The following ST6GALNAC3 variants were observed in gnomAD, a reference collection of about 807,000 sequenced individuals.
The protein encoded by ST6GALNAC3 is alpha-N-acetylgalactosaminide alpha-2,6-sialyltransferase 3.
In ST6GALNAC3, 25 loss-of-function variants were observed where a neutral mutation model predicts 32.7. The observed-to-expected ratio is 0.76, with a 90% CI of 0.56 to 1.07. ST6GALNAC3 has a LOEUF of 1.07. ST6GALNAC3 is among the 50% of genes least tolerant of loss of function. The probability of loss-of-function intolerance (pLI) is 0.00; values close to 1 mark genes in which losing one functional copy is unlikely to be tolerated. For missense variants in ST6GALNAC3, 355 were observed against 382.4 expected, an observed-to-expected ratio of 0.93 and a Z score of 0.60; for synonymous variants, 129 against 133.1, an observed-to-expected ratio of 0.97 and a Z score of 0.21.
chr1:76,468,108 T>A (rs1176719347), intron 3 of ST6GALNAC3, among the ~76,000 whole-genome samples: 1 of 151,954 alleles, frequency 6.6e-6, no homozygotes, highest in Non-Finnish European at 1.5e-5. Context: ...CTTCTTTTCT[T>A]TCTTTCTTCC....
At chr1:76,573,696 T>C (rs777902566) in intron 3 of ST6GALNAC3, among the ~76,000 whole-genome samples, 1 of 151,880 alleles carries the variant, frequency 6.6e-6, no homozygotes, top group Non-Finnish European at 1.5e-5. Flanking sequence ...GTAATAACAT[T>C]TCATTTTAAA....
chr1:76,091,086 T>G (rs1647038545), intron 1 of ST6GALNAC3, among the ~76,000 whole-genome samples: 1 of 152,206 alleles, frequency 6.6e-6, no homozygotes, highest in African/African-American at 2.4e-5. Context: ...TGTGTCATAT[T>G]TAAGGCACAT....
intron 1 of ST6GALNAC3, among the ~76,000 whole-genome samples, chr1:76,131,050 G>T (rs1156615224): frequency 6.6e-6 from 1 of 152,232 alleles, no homozygotes; most frequent in African/African-American, 2.4e-5. Context: ...CCCAGATGGG[G>T]TATGTGTTGT....
In ST6GALNAC3 at chr1:76,632,263, T is replaced by C. The variant is rs1469767525; in HGVS notation, c.*3457T>C. 1 of 152,094 alleles carries C rather than the reference T, an allele frequency of 6.6e-6. No homozygotes were observed. The highest frequency in any genetic ancestry group is 2.4e-5 in the African/African-American group (1 of 41,424). 9.4% of individuals were successfully genotyped at this position (152,094 alleles called of 1,614,324 possible). On this transcript the variant is annotated 3_prime_UTR_variant, in exon 5 of 5. Transcript: ENST00000328299. ...TGATTGCTAAGAGTACGTAAAATCA[T>C]ATTCAAAAGCTGGCCAGAAGAATAA...
chr1:76,385,709 C>T (rs6421756), intron 2 of ST6GALNAC3, among the ~76,000 whole-genome samples: 149,964 of 152,220 alleles, frequency 0.99, 73,919 homozygotes, highest in Middle Eastern at 1. Flanking sequence ...ATCAGGAAGA[C>T]GGGCTTTCTG....
chr1:76,098,234 T>C (rs1647166953), intron 1 of ST6GALNAC3, among the ~76,000 whole-genome samples: 1 of 152,234 alleles, frequency 6.6e-6, no homozygotes, highest in East Asian at 1.9e-4. Context: ...ACTTAAATAG[T>C]TGTAGAATAG....
intron 3 of ST6GALNAC3, among the ~76,000 whole-genome samples, chr1:76,438,152 C>CTT (rs201668914): frequency 0.019 from 2,718 of 144,858 alleles, 70 homozygotes; most frequent in African/African-American, 0.054. Context: ...CATATTCTGA[C>CTT]TTTTTTTTTT....
At chr1:76,231,723 T>C (rs1031169415) in intron 1 of ST6GALNAC3, among the ~76,000 whole-genome samples, 1 of 152,248 alleles carries the variant, frequency 6.6e-6, no homozygotes, top group African/African-American at 2.4e-5. Context: ...GTCACTTTTT[T>C]TTCATCCATT....
At chr1:76,454,976 C>A (rs6593541) in intron 3 of ST6GALNAC3, among the ~76,000 whole-genome samples, 127,175 of 151,730 alleles carry the variant, frequency 0.84, 53,666 homozygotes, top group African/African-American at 0.9. Context: ...TTTTGTATTA[C>A]ATAGGAATTT....
At chr1:76,080,574 G>A (rs1355333796) in intron 1 of ST6GALNAC3, among the ~76,000 whole-genome samples, 10 of 150,824 alleles carry the variant, frequency 6.6e-5, no homozygotes, top group South Asian at 4.2e-4. Context: ...AAGTGTAGGC[G>A]TGGTTTAACT....
At chr1:76,097,005 G>A (rs1360416152) in intron 1 of ST6GALNAC3, among the ~76,000 whole-genome samples, 2 of 146,314 alleles carry the variant, frequency 1.4e-5, no homozygotes, top group African/African-American at 2.5e-5. Flanking sequence ...TGCAATCTCC[G>A]CCTCGCGGGT....
chr1:76,125,026 G>A (rs1649150664), intron 1 of ST6GALNAC3, among the ~76,000 whole-genome samples: 1 of 152,070 alleles, frequency 6.6e-6, no homozygotes, highest in South Asian at 2.1e-4. Flanking sequence ...GATCTATTGG[G>A]TTAAGAAAAT....
chr1:76,577,216 CT>C (rs2100531506), intron 3 of ST6GALNAC3: 1 of 1,012,244 alleles, frequency 9.9e-7, no homozygotes, highest in Non-Finnish European at 1.2e-6. Flanking sequence ...AAAACTTGTT[CT>C]TCCCATTTCT....
At chr1:76,282,113 T>C (rs1380896843) in intron 1 of ST6GALNAC3, among the ~76,000 whole-genome samples, 2 of 152,080 alleles carry the variant, frequency 1.3e-5, no homozygotes, top group Admixed American at 1.3e-4. Context: ...AAGAATTATA[T>C]GTGTTCCTTG....
intron 3 of ST6GALNAC3, among the ~76,000 whole-genome samples, chr1:76,539,959 G>T (rs1195696505): frequency 1.3e-5 from 2 of 152,134 alleles, no homozygotes; most frequent in Non-Finnish European, 2.9e-5. Context: ...GATTCCTCAA[G>T]GATCTAGAAC....
chr1:76,306,073 A>G (rs1044853340), intron 1 of ST6GALNAC3: 14 of 323,000 alleles, frequency 4.3e-5, no homozygotes, highest in Admixed American at 1.6e-4. Context: ...CCTAATTCAT[A>G]TGGAAAATTA....
chr1:76,255,050 G>T lies in ST6GALNAC3; in HGVS notation c.19-58755G>T, dbSNP rs549761592. On this transcript the variant is annotated intron_variant, in intron 1 of 4. Coordinates refer to ENST00000328299, the MANE Select transcript of ST6GALNAC3 (RefSeq NM_152996.4). ...TCTCTCTTTTTTTTTTTTTAAACTG[G>T]CCCATTTGTAAGTTCAGTTTGATTA... is the stretch of plus-strand genomic sequence containing the variant. 6.6e-4 allele frequency among the ~76,000 whole-genome samples: 98 copies of T among 149,598 alleles called. No homozygotes were observed. In the East Asian group the frequency reaches 0.016, roughly 24 times the overall value.
intron 3 of ST6GALNAC3, among the ~76,000 whole-genome samples, chr1:76,545,956 G>A (rs1046885379): frequency 6.6e-6 from 1 of 152,174 alleles, no homozygotes; most frequent in Non-Finnish European, 1.5e-5. Flanking sequence ...ACCGCACTTG[G>A]CAGAAGAAAC....
chr1:76,528,527 A>G (rs1462838660), intron 3 of ST6GALNAC3, among the ~76,000 whole-genome samples: 2 of 152,180 alleles, frequency 1.3e-5, no homozygotes, highest in Non-Finnish European at 2.9e-5. Flanking sequence ...TACTAACCAG[A>G]CGCATACATA....
Sources: allele counts gnomAD v4.1 joint callset (sites outside exome capture counted in the v4.1 genomes callset), GRCh38; gene constraint gnomAD v4.1.1; transcripts MANE v1.5; gene names NCBI Gene and HGNC (gene_info 2026-07-23, HGNC 2026-07-21).